The following OAS1 variants were observed in gnomAD, a reference collection of about 807,000 sequenced individuals.
The protein encoded by OAS1 is 2'-5'-oligoadenylate synthetase 1, also known as 2'-5'-oligoadenylate synthase 1.
Under a neutral mutation model 38.5 loss-of-function variants are expected in OAS1, and 24 were observed. The ratio of observed to expected loss-of-function variants is 0.62; its 90% CI spans 0.45 to 0.88. OAS1 has a LOEUF of 0.88. OAS1 is among the 40% of genes least tolerant of loss of function. The probability of loss-of-function intolerance (pLI) is 0.00; values close to 1 mark genes in which losing one functional copy is unlikely to be tolerated. For missense variants in OAS1, 482 were observed against 493.9 expected, an observed-to-expected ratio of 0.98 and a Z score of 0.23; for synonymous variants, 169 against 193.9, an observed-to-expected ratio of 0.87 and a Z score of 1.07.
chr12:112,930,831 C>T (rs1295695412), intron 6 of OAS1, among the ~76,000 whole-genome samples: 1 of 152,258 alleles, frequency 6.6e-6, no homozygotes, highest in African/African-American at 2.4e-5. Context: ...GGGGGTGTCC[C>T]ACACCCTGAC....
chr12:112,919,265 C>T (rs2136326097), intron 5 of OAS1, 124 bp from the exon 6 acceptor site: 1 of 890,562 alleles, frequency 1.1e-6, no homozygotes, highest in East Asian at 2.5e-5. Flanking sequence ...GCAGCTGGGG[C>T]TTGTTAGTCC....
rs1416741737 is a variant in OAS1 at position 112,911,217 on chromosome 12, C to A, written c.636C>A (p.Val212=). 1 of 1,610,928 alleles carries A rather than the reference C, an allele frequency of 6.2e-7. No individual in the cohort carries two copies. Among genetic ancestry groups the A allele is most frequent in the Non-Finnish European group, 8.5e-7 (1 of 1,178,520 alleles). Residue 212 remains valine (V), a synonymous_variant, in exon 3 of 6, where the codon GTC becomes GTA. Coordinates refer to ENST00000202917, the MANE Select transcript of OAS1 (RefSeq NM_016816.4). ...PTKLKSLIRL[V]KHWYQNCKKK... ...AGCTCAAGAGCCTCATCCGCCTAGT[C>A]AAGCACTGGTACCAAAATGTATGGC...
rs372813548 is a variant in OAS1 at position 112,916,689 on chromosome 12, A to G, written c.835A>G (p.Lys279Glu). ...CIYWTKYYDF[K>E]NPIIEKYLRR... Reference sequence around the variant, plus strand: ...CTACTGGACAAAGTATTATGACTTTAAAAACCCCATTATTGAAAAGTACCT... The same window carrying G: ...CTACTGGACAAAGTATTATGACTTTGAAAACCCCATTATTGAAAAGTACCT... The change falls in exon 4 of 6, where the codon AAA becomes GAA. Residue 279 changes from lysine (K) to glutamate (E), a missense_variant. Coordinates refer to ENST00000202917, the MANE Select transcript of OAS1 (RefSeq NM_016816.4). 6.8e-6 allele frequency: 11 copies of G among 1,614,092 alleles called. No homozygotes were observed. In the African/African-American group the frequency reaches 1.3e-4, roughly 20 times the overall value.
In OAS1 at chr12:112,919,540, G is replaced by A. The variant is rs1278880285; in HGVS notation, c.1190G>A (p.Cys397Tyr). Residue 397 changes from cysteine to tyrosine, a missense_variant, in exon 6 of 6, where the codon TGC becomes TAC. By Grantham distance (194) the Cys-to-Tyr change is radical. Transcript: ENST00000202917. Reference sequence around the variant, plus strand: ...CCACAGGCAGAAGAGGACTGGACCTGCACCATCCTCTGAATGCCAGTGCAT... The same window carrying A: ...CCACAGGCAGAAGAGGACTGGACCTACACCATCCTCTGAATGCCAGTGCAT... ...STPQAEEDWT[C>Y]TIL is the part of the protein sequence containing the mutation. The A allele has an allele frequency of 6.2e-7, 1 of 1,614,118 alleles. No individual in the cohort carries two copies. Among genetic ancestry groups the A allele is most frequent in the Admixed American group, 1.7e-5 (1 of 60,010 alleles).
At chr12:112,928,218 C>T (rs545551133) in intron 6 of OAS1, among the ~76,000 whole-genome samples, 1 of 152,300 alleles carries the variant, frequency 6.6e-6, no homozygotes, top group African/African-American at 2.4e-5. Flanking sequence ...TTTATCAACC[C>T]TTCATTCTGT....
intron 2 of OAS1, 76 bp from the exon 3 acceptor site, chr12:112,910,975 G>A: frequency 1.5e-6 from 2 of 1,376,524 alleles, no homozygotes; most frequent in East Asian, 2.3e-5. Context: ...CATGGCCAGG[G>A]AGATTGTCCC....
chr12:112,914,406 T>C (rs1565961777), intron 3 of OAS1, among the ~76,000 whole-genome samples: 1 of 152,220 alleles, frequency 6.6e-6, no homozygotes, highest in African/African-American at 2.4e-5. Flanking sequence ...TAAACATGTG[T>C]GTGCAAGTAT....
In OAS1 at chr12:112,908,802, G is replaced by GCTGCCTGCCTTTGATGCC; in HGVS notation, c.451_468dup (p.Pro151_Leu156dup). ...TCGGGGAGGGGGTGGAGTTCGATGT[G>GCTGCCTGCCTTTGATGCC]CTGCCTGCCTTTGATGCCCTGGGTG... is the stretch of plus-strand genomic sequence containing the variant. On this transcript the variant is annotated inframe_insertion, in exon 2 of 6. Coordinates refer to ENST00000202917, the MANE Select transcript of OAS1 (RefSeq NM_016816.4). 1 of 1,599,966 alleles carries GCTGCCTGCCTTTGATGCC rather than the reference G, an allele frequency of 6.3e-7. No homozygotes were observed. Among genetic ancestry groups the GCTGCCTGCCTTTGATGCC allele is most frequent in the Non-Finnish European group, 8.5e-7 (1 of 1,170,786 alleles).
chr12:112,930,393 C>T (rs184272117), intron 6 of OAS1, among the ~76,000 whole-genome samples: 1 of 152,364 alleles, frequency 6.6e-6, no homozygotes, highest in African/African-American at 2.4e-5. Context: ...CCCAAGGGCA[C>T]ACCACTGATA....
At chr12:112,922,340 C>A (rs1713024035), downstream of OAS1, among the ~76,000 whole-genome samples, 1 of 152,124 alleles carries the variant, frequency 6.6e-6, no homozygotes, top group Non-Finnish European at 1.5e-5. Context: ...CTCCCCTTAA[C>A]CCCCTGGTCG....
chr12:112,911,155 G>A lies in OAS1; in HGVS notation c.574G>A (p.Glu192Lys). ...GGGCGAGTTCTCCACCTGCTTCACA[G>A]AACTACAGAGAGACTTCCTGAAGCA... ...KEGEFSTCFT[E>K]LQRDFLKQRP... The change falls in exon 3 of 6, where the codon GAA (glutamate) becomes AAA (lysine). Residue 192 changes from glutamate (E) to lysine (K), a missense_variant. Physicochemically the swap from Glu to Lys is moderately conservative, Grantham distance 56 (BLOSUM62 1). Coordinates refer to ENST00000202917, the MANE Select transcript of OAS1 (RefSeq NM_016816.4). 1 of 1,614,084 alleles carries A rather than the reference G, an allele frequency of 6.2e-7. No homozygotes were observed. Among genetic ancestry groups the A allele is most frequent in the Non-Finnish European group, 8.5e-7 (1 of 1,180,020 alleles).
intron 3 of OAS1, among the ~76,000 whole-genome samples, chr12:112,912,338 TCAAACAAACAAA>T (rs565162085): frequency 1.3e-5 from 2 of 152,076 alleles, no homozygotes; most frequent in East Asian, 3.8e-4. Context: ...AGATCTTCTC[TCAAACAAACAAA>T]CAAACAAACA....
chr12:112,916,739 G>A lies in OAS1; in HGVS notation c.884+1G>A, dbSNP rs867429833. The A allele has an allele frequency of 6.2e-7, 1 of 1,609,482 alleles. No homozygotes were observed. The highest frequency in any genetic ancestry group is 2.2e-5 in the East Asian group (1 of 44,868). On this transcript the variant is annotated splice_donor_variant, in intron 4 of 5. Coordinates refer to ENST00000202917, the MANE Select transcript of OAS1 (RefSeq NM_016816.4). LOFTEE classifies it high-confidence loss of function. ...TGAGAAGGCAGCTCACGAAACCCAGGTATGCTATCCCCACATGGCTTAGCT... is the reference window on the plus strand; with the variant it reads ...TGAGAAGGCAGCTCACGAAACCCAGATATGCTATCCCCACATGGCTTAGCT...
At chr12:112,929,830 T>C (rs2043586647) in intron 6 of OAS1, among the ~76,000 whole-genome samples, 1 of 152,136 alleles carries the variant, frequency 6.6e-6, no homozygotes, top group African/African-American at 2.4e-5. Context: ...CTTCCCTGAG[T>C]TACTGTGCTT....
At chr12:112,919,929 G>A (rs79677566), downstream of OAS1, 66 of 529,432 alleles carry the variant, frequency 1.2e-4, 1 homozygote, top group East Asian at 1.9e-3. Context: ...TTAACTTCAA[G>A]GCACAGAGCC....
downstream of OAS1, among the ~76,000 whole-genome samples, chr12:112,923,792 G>T (rs2043544260): frequency 6.6e-6 from 1 of 152,246 alleles, no homozygotes; most frequent in East Asian, 1.9e-4. Context: ...TGACAAGATT[G>T]CCAAGAATAC....
intron 5 of OAS1, chr12:112,917,943 C>G: frequency 1.4e-6 from 2 of 1,425,214 alleles, no homozygotes; most frequent in Non-Finnish European, 1.8e-6. Flanking sequence ...TAATCTCTAA[C>G]ACCATTTATT....
At chr12:112,920,897 C>T (rs1298225683), downstream of OAS1, among the ~76,000 whole-genome samples, 1 of 152,218 alleles carries the variant, frequency 6.6e-6, no homozygotes, top group Non-Finnish European at 1.5e-5. Flanking sequence ...GGTTACAGTG[C>T]TTGCCCAGGG....
At chr12:112,917,475 C>G in intron 4 of OAS1, 72 bp from the exon 5 acceptor site, 1 of 1,595,060 alleles carries the variant, frequency 6.3e-7, no homozygotes, top group Non-Finnish European at 8.6e-7. Context: ...ATTTTGCTCT[C>G]CCAGGAGCAT....
Sources: gnomAD v4.1 joint callset for allele counts (sites outside exome capture counted in the v4.1 genomes callset) on GRCh38, gnomAD v4.1.1 for gene constraint, MANE v1.5 for transcripts, NCBI Gene and HGNC (gene_info 2026-07-23, HGNC 2026-07-21) for gene names.